The following NDUFS4 variants were observed in gnomAD, a reference collection of about 807,000 sequenced individuals.
NDUFS4 encodes NADH:ubiquinone oxidoreductase subunit S4, also known as NADH dehydrogenase [ubiquinone] iron-sulfur protein 4, mitochondrial.
A neutral mutation model predicts 24.3 loss-of-function variants in NDUFS4; 28 were observed. The ratio of observed to expected loss-of-function variants is 1.15; its 90% CI spans 0.85 to 1.58. NDUFS4 has a LOEUF of 1.58. NDUFS4 is among the 40% of genes most tolerant of loss of function. NDUFS4 has a pLI of 0.00. For missense variants in NDUFS4, 223 were observed against 207.9 expected, an observed-to-expected ratio of 1.07 and a Z score of -0.45; for synonymous variants, 93 against 69.7, an observed-to-expected ratio of 1.34 and a Z score of -1.67.
chr5:53,678,283 T>C (rs1435391100), intron 4 of NDUFS4, among the ~76,000 whole-genome samples: 1 of 152,238 alleles, frequency 6.6e-6, no homozygotes, highest in Non-Finnish European at 1.5e-5. Flanking sequence ...TCTCTGATAC[T>C]AGGGCTTAAA....
At chr5:53,678,655 C>T (rs1740553127) in intron 4 of NDUFS4, among the ~76,000 whole-genome samples, 1 of 151,998 alleles carries the variant, frequency 6.6e-6, no homozygotes, top group Admixed American at 6.6e-5. Context: ...TAAGTTTGGG[C>T]TCTTTCTTTT....
intron 2 of NDUFS4, among the ~76,000 whole-genome samples, chr5:53,614,775 C>T (rs1168614219): frequency 6.6e-6 from 1 of 151,738 alleles, no homozygotes; most frequent in African/African-American, 2.4e-5. Context: ...AATTGTGTAT[C>T]GTACTTGACA....
chr5:53,665,961 T>A (rs1042697364), intron 4 of NDUFS4, among the ~76,000 whole-genome samples: 30 of 152,248 alleles, frequency 2.0e-4, no homozygotes, highest in Admixed American at 9.8e-4. Flanking sequence ...TTCCACCATC[T>A]TGGCTCCACC....
At chr5:53,577,760 T>G (rs528785449) in intron 1 of NDUFS4, among the ~76,000 whole-genome samples, 38 of 152,308 alleles carry the variant, frequency 2.5e-4, no homozygotes, top group African/African-American at 8.4e-4. Flanking sequence ...AATAATAATC[T>G]CATGGGAAGA....
intron 2 of NDUFS4, among the ~76,000 whole-genome samples, chr5:53,641,906 A>G (rs1732710868): frequency 6.6e-6 from 1 of 152,134 alleles, no homozygotes; most frequent in South Asian, 2.1e-4. Context: ...GCTGTAAATA[A>G]CTAATAGTCT....
chr5:53,576,565 T>C (rs910093033), intron 1 of NDUFS4, among the ~76,000 whole-genome samples: 2 of 152,200 alleles, frequency 1.3e-5, no homozygotes, highest in South Asian at 2.1e-4. Flanking sequence ...CTTTCTCTGA[T>C]ACCAAGTTTA....
intron 4 of NDUFS4, among the ~76,000 whole-genome samples, chr5:53,676,949 A>G (rs1340657277): frequency 2.0e-5 from 3 of 152,150 alleles, no homozygotes. Flanking sequence ...AGAATTATAT[A>G]TGGTGGCTTA....
chr5:53,572,970 G>GTTT (rs34978747), intron 1 of NDUFS4, among the ~76,000 whole-genome samples: 2 of 111,204 alleles, frequency 1.8e-5, no homozygotes, highest in Non-Finnish European at 3.8e-5. Flanking sequence ...TTTTTTTTTT[G>GTTT]TTTTTTTTTT....
At chr5:53,581,750 G>A (rs1749573618) in intron 1 of NDUFS4, among the ~76,000 whole-genome samples, 1 of 152,056 alleles carries the variant, frequency 6.6e-6, no homozygotes, top group Non-Finnish European at 1.5e-5. Context: ...AAGTCTTAGA[G>A]CTCCCTCTCT....
At chr5:53,631,748 G>T (rs970691675) in intron 2 of NDUFS4, among the ~76,000 whole-genome samples, 1 of 152,174 alleles carries the variant, frequency 6.6e-6, no homozygotes, top group South Asian at 2.1e-4. Context: ...AGCATCCCAG[G>T]TCGATCTCAG....
In NDUFS4 at chr5:53,683,204, A is replaced by G. The variant is rs200758718; in HGVS notation, c.511A>G (p.Arg171Gly). ...GANFSWNKRT[R>G]VSTK The stretch of plus-strand genomic sequence containing the variant: ...AAACTTTTCTTGGAACAAAAGAACA[A>G]GAGTATCCACAAAATAGGTTGGCAC... Residue 171 changes from arginine (R) to glycine (G), a missense_variant, in exon 5 of 5, where the codon AGA (arginine) becomes GGA (glycine). By Grantham distance (125) the Arg-to-Gly change is moderately radical. Transcript: ENST00000296684. The G allele has an allele frequency of 1.2e-5, 19 of 1,609,146 alleles. No homozygotes were observed. The East Asian group carries it at 3.4e-4, about 28-fold the overall frequency.
intron 4 of NDUFS4, among the ~76,000 whole-genome samples, chr5:53,673,132 A>G (rs1000805258): frequency 7.2e-5 from 11 of 152,188 alleles, no homozygotes; most frequent in South Asian, 4.1e-4. Flanking sequence ...GGAACTTACC[A>G]TATAGCATAC....
At chr5:53,586,964 C>T (rs926927587) in intron 1 of NDUFS4, among the ~76,000 whole-genome samples, 1 of 151,984 alleles carries the variant, frequency 6.6e-6, no homozygotes, top group Non-Finnish European at 1.5e-5. Flanking sequence ...GCTGGGATTA[C>T]AGGCATGTGC....
intron 3 of NDUFS4, among the ~76,000 whole-genome samples, chr5:53,657,996 T>C (rs548156988): frequency 3.9e-5 from 6 of 152,160 alleles, no homozygotes; most frequent in Non-Finnish European, 5.9e-5. Flanking sequence ...TATGTAGATT[T>C]GTAAACATTA....
intron 2 of NDUFS4, among the ~76,000 whole-genome samples, chr5:53,616,599 G>A (rs891127281): frequency 6.6e-6 from 1 of 152,044 alleles, no homozygotes; most frequent in African/African-American, 2.4e-5. Context: ...AATAACAGAC[G>A]GAAAGATATG....
chr5:53,571,612 C>T (rs1322404701), intron 1 of NDUFS4, among the ~76,000 whole-genome samples: 2 of 152,098 alleles, frequency 1.3e-5, no homozygotes, highest in Non-Finnish European at 2.9e-5. Context: ...AGACTGTTTT[C>T]CAAAGTGGCT....
chr5:53,675,157 CTTTTTTTTTTTTT>C (rs70983372), intron 4 of NDUFS4, among the ~76,000 whole-genome samples: 5 of 102,950 alleles, frequency 4.9e-5, no homozygotes, highest in Admixed American at 2.4e-4. Flanking sequence ...AACAGAGTTC[CTTTTTTTTTTTTT>C]TTTTTTTTTG....
At chr5:53,591,487 C>T (rs1273466618) in intron 1 of NDUFS4, among the ~76,000 whole-genome samples, 1 of 137,184 alleles carries the variant, frequency 7.3e-6, no homozygotes, top group African/African-American at 2.7e-5. Flanking sequence ...TAATAACTAT[C>T]GTAATAAATA....
Position 53,683,252 on chromosome 5 carries a change from T to C in NDUFS4, c.*31T>C. ...CACTGACTATATCTCTGCTTGACTG[T>C]GAATAAAGTCAGCTGTGCAGTATTT... On this transcript the variant is annotated 3_prime_UTR_variant, in exon 5 of 5. Transcript: ENST00000296684. 1 of 1,447,930 alleles carries C rather than the reference T, an allele frequency of 6.9e-7. No homozygotes were observed. Among genetic ancestry groups the C allele is most frequent in the Middle Eastern group, 1.7e-4 (1 of 5,754 alleles). The allele number at this position is 1,447,930 out of a possible 1,614,324, so 89.7% of individuals were successfully genotyped here.
Sources: gnomAD v4.1 joint callset for allele counts (sites outside exome capture counted in the v4.1 genomes callset) on GRCh38, gnomAD v4.1.1 for gene constraint, MANE v1.5 for transcripts, NCBI Gene and HGNC (gene_info 2026-07-23, HGNC 2026-07-21) for gene names.